Variants in PIWIL2 observed in about 807,000 individuals in gnomAD.
PIWIL2 encodes the protein piwi-like protein 2.
Under a neutral mutation model 116.5 loss-of-function variants are expected in PIWIL2, and 81 were observed. The observed-to-expected ratio is 0.70, with a 90% CI of 0.58 to 0.84. PIWIL2 has a LOEUF of 0.84. PIWIL2 is among the 40% of genes least tolerant of loss of function. The pLI, the probability that PIWIL2 is intolerant of heterozygous loss-of-function variation, is 0.00. For synonymous variants in PIWIL2, 489 were observed against 429.5 expected, an observed-to-expected ratio of 1.14 and a Z score of -1.71; for missense variants, 1,272 against 1,212.3, an observed-to-expected ratio of 1.05 and a Z score of -0.73.
At chr8:22,355,298 CA>C (rs1832464299) in intron 22 of PIWIL2, 50 bp from the exon 23 acceptor site, 3 of 1,594,582 alleles carry the variant, frequency 1.9e-6, no homozygotes, top group Non-Finnish European at 2.6e-6. Context: ...TTGCATGCCA[CA>C]AATTGAAGGT....
In PIWIL2 at chr8:22,284,216, C is replaced by T. The variant is rs769900198; in HGVS notation, c.687C>T (p.Asn229=). ...GAACACCTCAGTCTTTGGGACTGAA[C>T]CTCGTCAAAATACAGTGTCATAATG... ...SKGTPQSLGL[N]LVKIQCHNEA... is the part of the protein sequence containing the mutation. The change falls in exon 6 of 23, where the codon AAC becomes AAT. Residue 229 remains asparagine, a synonymous_variant. Transcript: ENST00000356766. 1.1e-5 allele frequency: 17 copies of T among 1,605,248 alleles called. 2 individuals carry two copies. In the South Asian group the frequency reaches 1.9e-4, roughly 18 times the overall value.
chr8:22,314,300 T>C, intron 16 of PIWIL2, 28 bp from the exon 17 acceptor site: 3 of 1,263,950 alleles, frequency 2.4e-6, no homozygotes, highest in Non-Finnish European at 3.2e-6. Context: ...TTCCACAGCC[T>C]GACTTGTATA....
Position 22,284,148 on chromosome 8 carries a change from T to C in PIWIL2, c.633-14T>C. On this transcript the variant is annotated splice_polypyrimidine_tract_variant and intron_variant, in intron 5 of 22. Transcript: ENST00000356766. ...TTTTGATATATGCAGTTGCTTTTTG[T>C]TTTTATTTTCTAGAGAGCTTATTGT... 1.3e-6 allele frequency: 2 copies of C among 1,491,178 alleles called. No individual in the cohort carries two copies. Among genetic ancestry groups the C allele is most frequent in the South Asian group, 1.2e-5 (1 of 81,488 alleles). 92.4% of individuals were successfully genotyped at this position (1,491,178 alleles called of 1,614,324 possible).
At chr8:22,311,021 A>C (rs1257873459) in intron 15 of PIWIL2, 91 bp from the exon 16 acceptor site, 1 of 1,122,524 alleles carries the variant, frequency 8.9e-7, no homozygotes, top group Non-Finnish European at 1.3e-6. Flanking sequence ...AATGAGAGTG[A>C]AAAGTAATTT....
intron 10 of PIWIL2, among the ~76,000 whole-genome samples, chr8:22,293,521 C>T (rs1258132699): frequency 1.3e-5 from 2 of 152,084 alleles, no homozygotes; most frequent in Non-Finnish European, 1.5e-5. Flanking sequence ...GACAGGGTTT[C>T]GCCATGTTGG....
intron 20 of PIWIL2, among the ~76,000 whole-genome samples, chr8:22,334,866 C>G (rs1831943842): frequency 6.6e-6 from 1 of 151,952 alleles, no homozygotes; most frequent in Non-Finnish European, 1.5e-5. Flanking sequence ...ACCAGCCTGG[C>G]CAACATAGTG....
chr8:22,348,689 T>C (rs1001307474), intron 20 of PIWIL2, among the ~76,000 whole-genome samples: 4 of 152,158 alleles, frequency 2.6e-5, no homozygotes, highest in Non-Finnish European at 4.4e-5. Context: ...CTCAGGAGGC[T>C]GAGGCAGGAG....
chr8:22,300,144 C>T (rs907531869), intron 10 of PIWIL2, among the ~76,000 whole-genome samples: 25 of 152,022 alleles, frequency 1.6e-4, no homozygotes, highest in Admixed American at 5.9e-4. Context: ...TTGCCCAGGC[C>T]GGTCTTGAAC....
intron 2 of PIWIL2, among the ~76,000 whole-genome samples, chr8:22,280,417 T>G (rs1208501755): frequency 6.6e-6 from 1 of 152,226 alleles, no homozygotes; most frequent in Non-Finnish European, 1.5e-5. Flanking sequence ...GAATAATATT[T>G]GTCTATAATT....
Position 22,310,023 on chromosome 8 carries a change from T to C in PIWIL2, c.1749T>C (p.Ser583=), listed in dbSNP as rs1349648490. ...INLKNTSFIT[S]QELNWVKEVT... is the part of the protein sequence containing the mutation. Reference sequence around the variant, plus strand: ...TAAAAAATACTTCGTTTATCACATCTCAGGAACTAAACTGGGTTAAGGAAG... The same window carrying C: ...TAAAAAATACTTCGTTTATCACATCCCAGGAACTAAACTGGGTTAAGGAAG... The change falls in exon 15 of 23, where the codon TCT becomes TCC. Residue 583 remains serine, a synonymous_variant. Coordinates refer to ENST00000356766, the MANE Select transcript of PIWIL2 (RefSeq NM_018068.5). 6.2e-7 allele frequency: 1 copy of C among 1,611,954 alleles called. No homozygotes were observed. The highest frequency in any genetic ancestry group is 1.1e-5 in the South Asian group (1 of 91,032).
chr8:22,283,250 G>C lies in PIWIL2; in HGVS notation c.632+10G>C, dbSNP rs77142846. On this transcript the variant is annotated intron_variant, in intron 5 of 22. Coordinates refer to ENST00000356766, the MANE Select transcript of PIWIL2 (RefSeq NM_018068.5). ...TGGAACACAAGGAAAAGTAAGTCAGGAGCACTGCCTTCTCTACTTAGTAAT... is the reference window on the plus strand; with the variant it reads ...TGGAACACAAGGAAAAGTAAGTCAGCAGCACTGCCTTCTCTACTTAGTAAT... 94,483 of 1,591,146 alleles carry C rather than the reference G, an allele frequency of 0.059. 3,254 individuals are homozygous for C. Among genetic ancestry groups the C allele is most frequent in the Admixed American group, 0.11 (6,877 of 59,934 alleles).
In PIWIL2 at chr8:22,310,051, A is replaced by G. The variant is rs1288285229; in HGVS notation, c.1777A>G (p.Thr593Ala). 5 of 1,594,270 alleles carry G rather than the reference A, an allele frequency of 3.1e-6. No individual in the cohort carries two copies. Among genetic ancestry groups the G allele is most frequent in the Non-Finnish European group, 4.3e-6 (5 of 1,162,084 alleles). The change falls in exon 15 of 23, where the codon ACC becomes GCC. Residue 593 changes from threonine (T) to alanine (A), a missense_variant. Coordinates refer to ENST00000356766, the MANE Select transcript of PIWIL2 (RefSeq NM_018068.5). ...GGAACTAAACTGGGTTAAGGAAGTA[A>G]CCAGAGACCCTTCCATCTTGACTGT... ...SQELNWVKEV[T>A]RDPSILTIPM...
At chr8:22,301,715 A>C (rs979569335) in intron 10 of PIWIL2, among the ~76,000 whole-genome samples, 1 of 135,894 alleles carries the variant, frequency 7.4e-6, no homozygotes, top group African/African-American at 2.5e-5. Flanking sequence ...TCGAGGTCGC[A>C]AAGATTTTCT....
At chr8:22,337,570 TAA>T (rs558416855) in intron 20 of PIWIL2, among the ~76,000 whole-genome samples, 3 of 139,992 alleles carry the variant, frequency 2.1e-5, no homozygotes. Flanking sequence ...TCTACTAAAT[TAA>T]AAAAAAAAAA....
intron 19 of PIWIL2, 130 bp downstream of exon 19, chr8:22,316,463 T>A: frequency 3.2e-6 from 2 of 625,530 alleles, no homozygotes; most frequent in East Asian, 3.1e-5. Context: ...TCTTCCTCTA[T>A]CTTCATGTGA....
chr8:22,295,307 G>C (rs371655278), intron 10 of PIWIL2, among the ~76,000 whole-genome samples: 3 of 150,716 alleles, frequency 2.0e-5, no homozygotes, highest in African/African-American at 7.3e-5. Context: ...CTGAGTAACT[G>C]GGGCTACAGG....
chr8:22,310,968 A>G (rs1370787625), intron 15 of PIWIL2, 144 bp from the exon 16 acceptor site: 1 of 677,062 alleles, frequency 1.5e-6, no homozygotes, highest in African/African-American at 1.8e-5. Flanking sequence ...CTTATCATGT[A>G]CGTTCATGTT....
intron 15 of PIWIL2, 103 bp downstream of exon 15, chr8:22,310,177 C>A: frequency 1.5e-6 from 1 of 646,202 alleles, no homozygotes; most frequent in South Asian, 2.0e-5. Flanking sequence ...GGGAAAGTAC[C>A]AATTGAATCC....
At chr8:22,348,202 AGGCAGGAGAATCGCTTGAACCC>A in intron 20 of PIWIL2, among the ~76,000 whole-genome samples, 1 of 152,068 alleles carries the variant, frequency 6.6e-6, no homozygotes, top group Middle Eastern at 3.4e-3. Context: ...TCGGGGGCCG[AGGCAGGAGAATCGCTTGAACCC>A]GGGAGGCGGA....
Sources: gnomAD v4.1 joint callset for allele counts (sites outside exome capture counted in the v4.1 genomes callset) on GRCh38, gnomAD v4.1.1 for gene constraint, MANE v1.5 for transcripts, NCBI Gene and HGNC (gene_info 2026-07-23, HGNC 2026-07-21) for gene names.